TBC1D32: variants seen among roughly 807,000 people sequenced by gnomAD.
The protein encoded by TBC1D32 is protein broad-minded.
TBC1D32 carries 151 observed loss-of-function variants against 170.3 expected under a neutral mutation model. The observed-to-expected ratio is 0.89, with a 90% CI of 0.78 to 1.01. The LOEUF is 1.01. TBC1D32 is among the 50% of genes least tolerant of loss of function. The probability of loss-of-function intolerance (pLI) is 0.00; values close to 1 mark genes in which losing one functional copy is unlikely to be tolerated. For synonymous variants in TBC1D32, 498 were observed against 488.0 expected (o/e 1.02, Z -0.27); for missense variants, 1,464 against 1,457.1 (o/e 1.00, Z -0.08).
At chr6:121,120,028 A>G (rs1780095371) in intron 26 of TBC1D32, among the ~76,000 whole-genome samples, 1 of 152,142 alleles carries the variant, frequency 6.6e-6, no homozygotes, top group Non-Finnish European at 1.5e-5. Flanking sequence ...TAATAAAAAA[A>G]TCATTGTTCC....
In TBC1D32 at chr6:121,239,145, T is replaced by G; in HGVS notation, c.2289A>C (p.Glu763Asp). ...ELITELWSNL[E>D]YGRDDVRVTH... Reference sequence around the variant, plus strand: ...TTACCCTAACATCATCTCTTCCATATTCCAGATTGGACCATAATTCAGTTA... The same window carrying G: ...TTACCCTAACATCATCTCTTCCATAGTCCAGATTGGACCATAATTCAGTTA... The change falls in exon 20 of 32, where the codon GAA becomes GAC. Residue 763 changes from glutamate to aspartate, a missense_variant. Physicochemically the swap from Glu to Asp is conservative, Grantham distance 45. This residue lies in a region of TBC1D32 where 1,363 missense variants were observed against 1,338.1 expected (regional missense o/e 1.02). Coordinates refer to ENST00000398212, the MANE Select transcript of TBC1D32 (RefSeq NM_152730.6). 6.2e-7 allele frequency: 1 copy of G among 1,604,534 alleles called. No homozygotes were observed. Among genetic ancestry groups the G allele is most frequent in the Non-Finnish European group, 8.5e-7 (1 of 1,173,342 alleles).
chr6:121,232,583 T>C (rs541905422), intron 20 of TBC1D32, among the ~76,000 whole-genome samples: 5 of 152,218 alleles, frequency 3.3e-5, no homozygotes, highest in Admixed American at 1.3e-4. Context: ...TTGTTTGTGT[T>C]GTCTGATTTC....
chr6:121,119,475 G>A (rs780129082), intron 26 of TBC1D32, among the ~76,000 whole-genome samples: 1 of 151,918 alleles, frequency 6.6e-6, no homozygotes, highest in Non-Finnish European at 1.5e-5. Flanking sequence ...TAATCAAAAG[G>A]TGAAACAAGC....
intron 21 of TBC1D32, among the ~76,000 whole-genome samples, chr6:121,221,047 A>T (rs4498397): frequency 3.3e-5 from 5 of 152,008 alleles, no homozygotes; most frequent in South Asian, 2.1e-4. Context: ...AAGCATCAAA[A>T]GACAGGCGAA....
In TBC1D32 at chr6:121,103,501, G is replaced by C. The variant is rs888484778; in HGVS notation, c.3465+2522C>G. The stretch of plus-strand genomic sequence containing the variant: ...TTGCAAGGACAGAAAACCAAACACT[G>C]CATGTTCTCACTCATAGGTGGGAAT... On this transcript the variant is annotated intron_variant, in intron 30 of 31. Coordinates refer to ENST00000398212, the MANE Select transcript of TBC1D32 (RefSeq NM_152730.6). Among the ~76,000 whole-genome samples, 2 of 147,510 alleles carry C rather than the reference G, an allele frequency of 1.4e-5. 1 individual carries two copies. Among genetic ancestry groups the C allele is most frequent in the Admixed American group, 1.4e-4 (2 of 14,320 alleles).
At chr6:121,223,526 A>G (rs1372663449) in intron 20 of TBC1D32, among the ~76,000 whole-genome samples, 174 bp from the exon 21 acceptor site, 9 of 152,200 alleles carry the variant, frequency 5.9e-5, no homozygotes, top group Non-Finnish European at 1.3e-4. Flanking sequence ...TAACATGCAC[A>G]GCAATAATCT....
chr6:121,310,544 A>T (rs1445138300), intron 4 of TBC1D32, among the ~76,000 whole-genome samples: 1 of 152,212 alleles, frequency 6.6e-6, no homozygotes, highest in Non-Finnish European at 1.5e-5. Flanking sequence ...TTTGAAATTG[A>T]TGCTGAAGAT....
chr6:121,184,825 C>A (rs1402781185), intron 22 of TBC1D32, among the ~76,000 whole-genome samples: 1 of 151,840 alleles, frequency 6.6e-6, no homozygotes, highest in African/African-American at 2.4e-5. Context: ...ATTTTGAGCT[C>A]CCACCATCGT....
At position 121,256,272 on chromosome 6, in the gene TBC1D32, G is replaced by A; in HGVS notation, c.1747C>T (p.His583Tyr). 6.2e-7 allele frequency: 1 copy of A among 1,612,558 alleles called. No homozygotes were observed. Among genetic ancestry groups the A allele is most frequent in the South Asian group, 1.1e-5 (1 of 90,926 alleles). The change falls in exon 16 of 32, where the codon CAT (histidine) becomes TAT (tyrosine). Residue 583 changes from histidine (H) to tyrosine (Y), a missense_variant. By Grantham distance (83) the His-to-Tyr change is moderately conservative. This residue lies in a region of TBC1D32 where 1,363 missense variants were observed against 1,338.1 expected (regional missense o/e 1.02). Transcript: ENST00000398212. ...NSSEESPTGA[H>Y]IIAQFSKKLL... The stretch of plus-strand genomic sequence containing the variant: ...TTTTTCGAAAACTGGGCAATTATAT[G>A]AGCACCTGTAGGACTAAAAGATGAT...
intron 26 of TBC1D32, among the ~76,000 whole-genome samples, chr6:121,121,145 G>T (rs1290307502): frequency 6.6e-6 from 1 of 151,956 alleles, no homozygotes; most frequent in Non-Finnish European, 1.5e-5. Context: ...CTATCAAAAT[G>T]GTAGTTTAAA....
At chr6:121,273,011 A>G (rs1320823990) in intron 15 of TBC1D32, among the ~76,000 whole-genome samples, 2 of 152,006 alleles carry the variant, frequency 1.3e-5, no homozygotes, top group African/African-American at 4.8e-5. Context: ...TCACAAGGAG[A>G]AAAAACCAAA....
chr6:121,294,936 T>C (rs1483682657), intron 10 of TBC1D32, among the ~76,000 whole-genome samples: 1 of 152,138 alleles, frequency 6.6e-6, no homozygotes, highest in Non-Finnish European at 1.5e-5. Flanking sequence ...ATTTATATTT[T>C]ATAGTGAAAA....
intron 3 of TBC1D32, among the ~76,000 whole-genome samples, chr6:121,312,152 A>G (rs983396364): frequency 3.3e-5 from 5 of 152,178 alleles, no homozygotes; most frequent in Non-Finnish European, 5.9e-5. Flanking sequence ...ATGAGAACAC[A>G]TGGACACAGA....
chr6:121,154,318 C>T (rs994127256), intron 24 of TBC1D32, among the ~76,000 whole-genome samples: 1 of 152,168 alleles, frequency 6.6e-6, no homozygotes. Context: ...CCGTGGGCTT[C>T]ACCCACTGTC....
chr6:121,178,324 T>C (rs1296248517), intron 22 of TBC1D32, among the ~76,000 whole-genome samples: 2 of 152,028 alleles, frequency 1.3e-5, no homozygotes, highest in Admixed American at 6.6e-5. Flanking sequence ...TATGGTGACA[T>C]GAGAAATCAC....
At chr6:121,293,754 A>G (rs1805211067) in intron 11 of TBC1D32, among the ~76,000 whole-genome samples, 1 of 152,056 alleles carries the variant, frequency 6.6e-6, no homozygotes, top group South Asian at 2.1e-4. Flanking sequence ...TACTAAAAAT[A>G]CAAAAACTTA....
intron 12 of TBC1D32, among the ~76,000 whole-genome samples, 190 bp from the exon 13 acceptor site, chr6:121,284,100 G>C (rs183025149): frequency 6.6e-6 from 1 of 152,116 alleles, no homozygotes; most frequent in Admixed American, 6.6e-5. Flanking sequence ...AACACGGCAA[G>C]GCAAGCAATG....
chr6:121,318,958 G>C (rs1305915836), intron 2 of TBC1D32, among the ~76,000 whole-genome samples: 1 of 150,264 alleles, frequency 6.7e-6, no homozygotes, highest in African/African-American at 2.4e-5. Flanking sequence ...AAACCTGCTG[G>C]GGAATCTGAA....
At chr6:121,149,460 T>C (rs2128233249) in intron 24 of TBC1D32, among the ~76,000 whole-genome samples, 1 of 152,336 alleles carries the variant, frequency 6.6e-6, no homozygotes, top group East Asian at 1.9e-4. Flanking sequence ...GGGTCCAGTT[T>C]CATTTTTTGG....
Sources: gnomAD v4.1 joint callset for allele counts (sites outside exome capture counted in the v4.1 genomes callset) on GRCh38, gnomAD v4.1.1 for gene constraint, gnomAD v4.1.1 regional missense constraint, MANE v1.5 for transcripts, NCBI Gene and HGNC (gene_info 2026-07-23, HGNC 2026-07-21) for gene names.